Variants in TMEM145 observed in about 807,000 individuals in gnomAD.
The protein encoded by TMEM145 is transmembrane protein 145.
In TMEM145, 46 loss-of-function variants were observed where a neutral mutation model predicts 68.5. That is an observed-to-expected ratio of 0.67 (90% CI 0.53 to 0.86). The LOEUF (loss-of-function observed/expected upper bound fraction) is 0.86. TMEM145 is among the 40% of genes least tolerant of loss of function. TMEM145 has a pLI of 0.00. For synonymous variants in TMEM145, 255 were observed against 280.2 expected (o/e 0.91, Z 0.90); for missense variants, 570 against 645.8 (o/e 0.88, Z 1.27).
Position 42,316,709 on chromosome 19 carries a change from A to T in TMEM145, c.775A>T (p.Ile259Phe). The T allele has an allele frequency of 6.2e-7, 1 of 1,613,190 alleles. No individual in the cohort carries two copies. The highest frequency in any genetic ancestry group is 8.5e-7 in the Non-Finnish European group (1 of 1,179,874). ...CTTCCTCATCTTCCTGCTGATGCTT[A>T]TCCTCCTGGGGAAGGGATTCACGGT... ...SSFLIFLLMLILLGKGFTVTR... is the reference protein window; with the variant it reads ...SSFLIFLLMLFLLGKGFTVTR... Residue 259 changes from isoleucine (I) to phenylalanine (F), a missense_variant, in exon 10 of 15, where the codon ATC (isoleucine) becomes TTC (phenylalanine). Ile to Phe is a conservative substitution (Grantham distance 21). Transcript: ENST00000301204.
chr19:42,323,486 G>T, intron 13 of TMEM145, 97 bp from the exon 14 acceptor site: 1 of 1,166,976 alleles, frequency 8.6e-7, no homozygotes, highest in Non-Finnish European at 1.2e-6. Flanking sequence ...AAGTGTGGTG[G>T]ATGTCAACTG....
chr19:42,314,586 G>C (rs754893484), intron 3 of TMEM145, 27 bp from the exon 4 acceptor site: 4 of 1,614,036 alleles, frequency 2.5e-6, no homozygotes, highest in Non-Finnish European at 3.4e-6. Context: ...CTGGCCGGGG[G>C]AGTGACCCTG....
rs367764111 is a variant in TMEM145 at position 42,314,719 on chromosome 19, G to A, written c.360+20G>A. On this transcript the variant is annotated intron_variant, in intron 4 of 14. Transcript: ENST00000301204. The stretch of plus-strand genomic sequence containing the variant: ...TGTCAGGTGCAGGCTCAGCCTGGGG[G>A]AGTGGGCAGGTGCTGAAGGATGAAG... 26 of 1,614,092 alleles carry A rather than the reference G, an allele frequency of 1.6e-5. No homozygotes were observed. Among genetic ancestry groups the A allele is most frequent in the African/African-American group, 2.7e-5 (2 of 74,932 alleles).
At chr19:42,322,708 AT>A (rs547326600) in intron 13 of TMEM145, among the ~76,000 whole-genome samples, 188 of 146,162 alleles carry the variant, frequency 1.3e-3, no homozygotes, top group African/African-American at 3.5e-3. Flanking sequence ...TTTATTTTAA[AT>A]TTTTTTTTTT....
intron 8 of TMEM145, among the ~76,000 whole-genome samples, chr19:42,316,088 G>C (rs2038853747): frequency 6.6e-6 from 1 of 151,966 alleles, no homozygotes; most frequent in Admixed American, 6.5e-5. Context: ...GTCTGGGGGA[G>C]GAGGGGCTGG....
Position 42,324,742 on chromosome 19 carries a change from G to A in TMEM145, c.1407G>A (p.Leu469=), listed in dbSNP as rs773121981. Residue 469 remains leucine, a synonymous_variant, in exon 15 of 15, where the codon CTG becomes CTA. Transcript: ENST00000301204. ...FSIPPPATSP[L]PRAAPDSGLP... is the part of the protein sequence containing the mutation. The stretch of plus-strand genomic sequence containing the variant: ...CTCCCCGTCCCCTCCCTCAGCCCCT[G>A]CCCCGAGCGGCGCCGGATTCTGGGC... 3.1e-5 allele frequency: 47 copies of A among 1,536,948 alleles called. 1 individual carries two copies. In the South Asian group the frequency reaches 5.4e-4, roughly 18 times the overall value.
At chr19:42,316,629 G>A in intron 9 of TMEM145, 33 bp from the exon 10 acceptor site, 1 of 1,613,684 alleles carries the variant, frequency 6.2e-7, no homozygotes, top group Non-Finnish European at 8.5e-7. Flanking sequence ...GTCTGAGCCT[G>A]GCTCTGAGCC....
intron 13 of TMEM145, 24 bp downstream of exon 13, chr19:42,320,461 G>C (rs374995781): frequency 3.1e-6 from 5 of 1,613,242 alleles, no homozygotes; most frequent in African/African-American, 1.3e-5. Flanking sequence ...TCTGTGGGGG[G>C]TGGAGGGGAG....
chr19:42,316,933 C>G lies in TMEM145; in HGVS notation c.870C>G (p.Thr290=). ...LSVYMTLYTL[T]HVVLLIYEAE... is the part of the protein sequence containing the mutation. ...TCTACATGACCCTGTACACGCTCAC[C>G]CATGTGGTGCTGCTCATCTACGAGG... The change falls in exon 11 of 15, where the codon ACC becomes ACG. Residue 290 remains threonine (T), a synonymous_variant. Coordinates refer to ENST00000301204, the MANE Select transcript of TMEM145 (RefSeq NM_173633.3). The G allele has an allele frequency of 6.2e-7, 1 of 1,613,838 alleles. No homozygotes were observed.
chr19:42,313,507 C>T lies in TMEM145; in HGVS notation c.120+11C>T. The T allele has an allele frequency of 1.6e-6, 2 of 1,277,472 alleles. No homozygotes were observed. The highest frequency in any genetic ancestry group is 2.8e-5 in the South Asian group (1 of 35,870). The allele number at this position is 1,277,472 out of a possible 1,614,324, so 79.1% of individuals were successfully genotyped here. A position where few individuals can be genotyped will look rare whatever the true frequency, so the allele number is the denominator to read the frequency against. The stretch of plus-strand genomic sequence containing the variant: ...CTCAGTTCCAAGGAGGTGAGCATGC[C>T]GAGCCCTCCTCTGCGGCCCGCCGGC... On this transcript the variant is annotated intron_variant, in intron 1 of 14. Transcript: ENST00000301204. This position sits in a 1 kb window ranked among gnomAD's most constrained non-coding sequence, Gnocchi z 5.1.
At chr19:42,318,105 C>T (rs2038877002) in intron 12 of TMEM145, among the ~76,000 whole-genome samples, 1 of 152,168 alleles carries the variant, frequency 6.6e-6, no homozygotes, top group African/African-American at 2.4e-5. Flanking sequence ...TGGTGGCTCA[C>T]GCCTGTAATC....
chr19:42,315,317 G>A (rs1379977228), intron 7 of TMEM145, 55 bp from the exon 8 acceptor site: 1 of 1,614,012 alleles, frequency 6.2e-7, no homozygotes, highest in East Asian at 2.2e-5. Context: ...GTTGGGGGAG[G>A]TGAGCTGCTC....
At chr19:42,323,228 T>C (rs2038928000) in intron 13 of TMEM145, among the ~76,000 whole-genome samples, 1 of 152,228 alleles carries the variant, frequency 6.6e-6, no homozygotes, top group Admixed American at 6.5e-5. Flanking sequence ...ATGTGGGTAG[T>C]GCATAGTGAG....
rs1321090857 is a variant in TMEM145 at position 42,320,413 on chromosome 19, C to T, written c.1170C>T (p.His390=). 1.2e-6 allele frequency: 2 copies of T among 1,613,974 alleles called. No individual in the cohort carries two copies. Among genetic ancestry groups the T allele is most frequent in the East Asian group, 2.2e-5 (1 of 44,896 alleles). The change falls in exon 13 of 15, where the codon CAC becomes CAT. Residue 390 remains histidine, a synonymous_variant. Coordinates refer to ENST00000301204, the MANE Select transcript of TMEM145 (RefSeq NM_173633.3). ...KIVNGIQLGI[H]LYAHGVFLIM... ...TCAATGGCATCCAGCTGGGGATCCA[C>T]TTGTACGCCCATGGCGTGTTTCTGG...
chr19:42,313,386 C>T lies in TMEM145; in HGVS notation c.10C>T (p.Leu4=), dbSNP rs1215069169. 2.3e-6 allele frequency: 3 copies of T among 1,284,666 alleles called. No individual in the cohort carries two copies. The highest frequency in any genetic ancestry group is 3.1e-5 in the East Asian group (1 of 31,930). 79.6% of individuals were successfully genotyped at this position (1,284,666 alleles called of 1,614,324 possible). A position where few individuals can be genotyped will look rare whatever the true frequency, so the allele number is the denominator to read the frequency against. Residue 4 remains leucine, a synonymous_variant, in exon 1 of 15, where the codon CTG becomes TTG. Coordinates refer to ENST00000301204, the MANE Select transcript of TMEM145 (RefSeq NM_173633.3). The surrounding 1 kb of genome is among the most constrained non-coding windows in gnomAD (Gnocchi z 5.1). MEP[L]RAPALRRLLP... is the part of the protein sequence containing the mutation. ...GGCCGGAGCGGGCGGAATGGAGCCC[C>T]TGCGCGCGCCCGCGCTGCGCCGCCT...
At position 42,316,478 on chromosome 19, in the gene TMEM145, C is replaced by A. The variant is rs1241258576; in HGVS notation, c.647-3C>A. The stretch of plus-strand genomic sequence containing the variant: ...CTTTCTTATCTGCCCATCCTCCCCT[C>A]AGTCCTGAGCCTCCTATTTTTCTGC... On this transcript the variant is annotated splice_region_variant and splice_polypyrimidine_tract_variant and intron_variant, in intron 8 of 14. Coordinates refer to ENST00000301204, the MANE Select transcript of TMEM145 (RefSeq NM_173633.3). 6.2e-7 allele frequency: 1 copy of A among 1,614,026 alleles called. No individual in the cohort carries two copies. The highest frequency in any genetic ancestry group is 1.1e-5 in the South Asian group (1 of 91,076).
chr19:42,314,699 G>A lies in TMEM145; in HGVS notation c.360G>A (p.Gln120=). 1 of 1,614,202 alleles carries A rather than the reference G, an allele frequency of 6.2e-7. No homozygotes were observed. Among genetic ancestry groups the A allele is most frequent in the Non-Finnish European group, 8.5e-7 (1 of 1,180,024 alleles). ...LTTQYAWSGC[Q]VVSEEGTRYL... is the part of the protein sequence containing the mutation. ...CCCAGTATGCCTGGTCCGGCTGTCA[G>A]GTGCAGGCTCAGCCTGGGGGAGTGG... Residue 120 remains glutamine (Q), a splice_region_variant and synonymous_variant, in exon 4 of 15, where the codon CAG becomes CAA. Transcript: ENST00000301204.
Position 42,313,602 on chromosome 19 carries a change from T to C in TMEM145, c.120+106T>C. The C allele has an allele frequency of 1.1e-6, 1 of 912,216 alleles. No homozygotes were observed. The highest frequency in any genetic ancestry group is 1.4e-6 in the Non-Finnish European group (1 of 693,564). The allele number at this position is 912,216 out of a possible 1,614,324, so 56.5% of individuals were successfully genotyped here. A position where few individuals can be genotyped will look rare whatever the true frequency, so the allele number is the denominator to read the frequency against. On this transcript the variant is annotated intron_variant, in intron 1 of 14. Transcript: ENST00000301204. The surrounding 1 kb of genome is among the most constrained non-coding windows in gnomAD (Gnocchi z 5.1). Reference sequence around the variant, plus strand: ...CCCCCTGCCGCCCCTCCTGGCGGACTCCGGGAGCCTCGGGGGAGTGGGGCC... The same window carrying C: ...CCCCCTGCCGCCCCTCCTGGCGGACCCCGGGAGCCTCGGGGGAGTGGGGCC...
In TMEM145 at chr19:42,314,494, C is replaced by T; in HGVS notation, c.239C>T (p.Ser80Phe). ...QNILLYFDDP[S>F]QWPAVYKAGD... ...ATCCTCCTCTATTTTGATGACCCAT[C>T]CCAGTGGCCAGCCGTGTACAAGGCA... Residue 80 changes from serine (S) to phenylalanine (F), a missense_variant, in exon 3 of 15, where the codon TCC (serine) becomes TTC (phenylalanine). Coordinates refer to ENST00000301204, the MANE Select transcript of TMEM145 (RefSeq NM_173633.3). The T allele has an allele frequency of 6.2e-7, 1 of 1,614,162 alleles. No individual in the cohort carries two copies. Among genetic ancestry groups the T allele is most frequent in the Non-Finnish European group, 8.5e-7 (1 of 1,180,026 alleles).
Sources: allele counts gnomAD v4.1 joint callset (sites outside exome capture counted in the v4.1 genomes callset), GRCh38; gene constraint gnomAD v4.1.1; non-coding constraint Gnocchi (gnomAD v3.1); transcripts MANE v1.5; gene names NCBI Gene and HGNC (gene_info 2026-07-23, HGNC 2026-07-21).